The following ATOSA variants were observed in gnomAD, a reference collection of about 807,000 sequenced individuals.
ATOSA encodes the protein atos homolog protein A.
At chr15:52,610,333 A>G in the ATOSA span, 6 of 1,612,962 alleles carry the variant, frequency 3.7e-6, no homozygotes, top group South Asian at 1.1e-5. Flanking sequence ...CACATGCTCA[A>G]TTGGAGTCTG....
the ATOSA span, among the ~76,000 whole-genome samples, chr15:52,633,894 A>T: frequency 4.6e-5 from 7 of 152,288 alleles, no homozygotes; most frequent in East Asian, 1.4e-3. Flanking sequence ...TGTGGGATTT[A>T]TAACAGTCTG....
At chr15:52,597,768 A>G in the ATOSA span, among the ~76,000 whole-genome samples, 2 of 152,178 alleles carry the variant, frequency 1.3e-5, no homozygotes, top group Non-Finnish European at 2.9e-5. Context: ...CCTGGGCCAC[A>G]CTGGAAGAAG....
chr15:52,598,678 A>G, the ATOSA span: 3 of 152,230 alleles, frequency 2.0e-5, no homozygotes, highest in South Asian at 2.1e-4. Flanking sequence ...AAATGTATGT[A>G]TATCTGCACA....
the ATOSA span, among the ~76,000 whole-genome samples, chr15:52,619,613 A>C: frequency 6.6e-6 from 1 of 152,130 alleles, no homozygotes; most frequent in Non-Finnish European, 1.5e-5. Flanking sequence ...AGGTGGATCA[A>C]CTTGAGGTCA....
At chr15:52,677,977 A>T in the ATOSA span, 14 of 1,613,852 alleles carry the variant, frequency 8.7e-6, no homozygotes, top group Non-Finnish European at 1.2e-5. Context: ...GGGGTGGGGG[A>T]ACAAGCCCTA....
chr15:52,667,376 C>G, the ATOSA span, among the ~76,000 whole-genome samples: 1 of 152,196 alleles, frequency 6.6e-6, no homozygotes, highest in Non-Finnish European at 1.5e-5. Flanking sequence ...AAGCAATGTA[C>G]AACTTTAAAA....
the ATOSA span, among the ~76,000 whole-genome samples, chr15:52,594,341 C>A: frequency 1.3e-5 from 2 of 151,204 alleles, no homozygotes; most frequent in East Asian, 3.9e-4. Flanking sequence ...ATCCATCCCT[C>A]CCCCAAGGTC....
the ATOSA span, among the ~76,000 whole-genome samples, chr15:52,584,110 A>AG: frequency 6.7e-6 from 1 of 149,978 alleles, no homozygotes; most frequent in East Asian, 1.9e-4. Flanking sequence ...AAAAAAAAAA[A>AG]GAAAAATATA....
the ATOSA span, among the ~76,000 whole-genome samples, chr15:52,688,012 G>T: frequency 6.6e-6 from 1 of 152,196 alleles, no homozygotes; most frequent in Non-Finnish European, 1.5e-5. Context: ...GTTCCCAGGA[G>T]GATGAGAGAC....
At chr15:52,631,143 T>C in the ATOSA span, among the ~76,000 whole-genome samples, 7 of 152,304 alleles carry the variant, frequency 4.6e-5, no homozygotes, top group Admixed American at 3.3e-4. Context: ...TTTGTAGCTA[T>C]GATATGCTTC....
At chr15:52,703,019 A>T in the ATOSA span, among the ~76,000 whole-genome samples, 2 of 152,228 alleles carry the variant, frequency 1.3e-5, no homozygotes, top group Non-Finnish European at 2.9e-5. Context: ...GTCAATTATC[A>T]GGTAAACAGA....
the ATOSA span, among the ~76,000 whole-genome samples, chr15:52,615,152 G>A: frequency 1.5e-4 from 23 of 152,242 alleles, no homozygotes; most frequent in African/African-American, 3.9e-4. Context: ...CTATTATCCA[G>A]CAGCGGCACA....
the ATOSA span, among the ~76,000 whole-genome samples, chr15:52,615,124 A>G: frequency 6.6e-6 from 1 of 152,156 alleles, no homozygotes; most frequent in African/African-American, 2.4e-5. Flanking sequence ...AGTAATAACA[A>G]TTTCTAAGGA....
At chr15:52,643,432 C>T in the ATOSA span, among the ~76,000 whole-genome samples, 3 of 151,484 alleles carry the variant, frequency 2.0e-5, no homozygotes, top group African/African-American at 7.3e-5. Context: ...GCTGGGACCA[C>T]AGGCATGCAC....
At chr15:52,585,017 T>A in the ATOSA span, 1,795 of 1,282,008 alleles carry the variant, frequency 1.4e-3, 25 homozygotes, top group African/African-American at 0.025. Flanking sequence ...ATTGTGCCAA[T>A]AATCAAACAA....
chr15:52,659,246 G>C, the ATOSA span, among the ~76,000 whole-genome samples: 8 of 152,172 alleles, frequency 5.3e-5, no homozygotes, highest in Non-Finnish European at 1.5e-5. Context: ...AGTACTTCTA[G>C]CACATATGTG....
chr15:52,613,692 C>T, the ATOSA span: 1 of 1,613,692 alleles, frequency 6.2e-7, no homozygotes, highest in Non-Finnish European at 8.5e-7. Context: ...CTTGTCACTA[C>T]ATTCATGTTT....
the ATOSA span, chr15:52,584,717 A>ACATTTT: frequency 6.3e-7 from 1 of 1,589,888 alleles, no homozygotes; most frequent in African/African-American, 1.4e-5. Flanking sequence ...TTCTAAAGTA[A>ACATTTT]CATTTTCATA....
chr15:52,605,163 A>C, the ATOSA span: 1 of 1,610,164 alleles, frequency 6.2e-7, no homozygotes, highest in Non-Finnish European at 8.5e-7. Context: ...ATCCAGTTTG[A>C]GGATGAAAGG....
Sources: allele counts gnomAD v4.1 joint callset (sites outside exome capture counted in the v4.1 genomes callset), GRCh38; gene constraint gnomAD v4.1.1; transcripts MANE v1.5; gene names NCBI Gene and HGNC (gene_info 2026-07-23, HGNC 2026-07-21).